ABCA1: variants seen among roughly 807,000 people sequenced by gnomAD.
The protein encoded by ABCA1 is ATP binding cassette subfamily A member 1, also known as phospholipid-transporting ATPase ABCA1.
In ABCA1, 133 loss-of-function variants were observed where a neutral mutation model predicts 262.5. That is an observed-to-expected ratio of 0.51 (90% confidence interval 0.44 to 0.59). The LOEUF is 0.59. ABCA1 is among the 20% of genes least tolerant of loss of function. The pLI is 0.00. For synonymous variants in ABCA1, 1,022 were observed against 1,043.5 expected, an observed-to-expected ratio of 0.98 and a Z score of 0.40; for missense variants, 2,452 against 2,777.5, an observed-to-expected ratio of 0.88 and a Z score of 2.63.
chr9:104,861,490 A>G lies in ABCA1; in HGVS notation c.543+189T>C. ...CAGCTGGCCCATGACGCCAGGTTGC[A>G]TATTCCACTCCTGGATGGTTTGGCA... On this transcript the variant is annotated intron_variant, in intron 6 of 49. Coordinates refer to ENST00000374736, the MANE Select transcript of ABCA1 (RefSeq NM_005502.4). The G allele has an allele frequency of 4.1e-6, 3 of 728,112 alleles. No homozygotes were observed. In the Admixed American group the frequency reaches 7.4e-5, roughly 18 times the overall value. The allele number at this position is 728,112 out of a possible 1,614,324, so 45.1% of individuals were successfully genotyped here. A position where few individuals can be genotyped will look rare whatever the true frequency, so the allele number is the denominator to read the frequency against.
chr9:104,816,395 G>T (rs112338016), intron 24 of ABCA1, 50 bp from the exon 25 acceptor site: 4 of 1,572,272 alleles, frequency 2.5e-6, no homozygotes, highest in Non-Finnish European at 3.5e-6. Flanking sequence ...GAGGGGCTTC[G>T]GAGTGAGGGC....
chr9:104,793,114 T>G (rs1440032566), intron 41 of ABCA1, 57 bp downstream of exon 41: 1 of 1,610,196 alleles, frequency 6.2e-7, no homozygotes, highest in Non-Finnish European at 8.5e-7. Flanking sequence ...TGTTTCCCTG[T>G]GCGCCTCCTC....
chr9:104,888,547 C>T lies in ABCA1; in HGVS notation c.160+555G>A, dbSNP rs184847043. The stretch of plus-strand genomic sequence containing the variant: ...GACACCAGAATTCATACCCAGATAA[C>T]CTGACATCTGGAGCCTGTGTTGTTA... On this transcript the variant is annotated intron_variant, in intron 3 of 49. Coordinates refer to ENST00000374736, the MANE Select transcript of ABCA1 (RefSeq NM_005502.4). Among the ~76,000 whole-genome samples the T allele has an allele frequency of 2.5e-3, 374 of 152,308 alleles. 2 individuals are homozygous for T. Among genetic ancestry groups the T allele is most frequent in the South Asian group, 0.019 (92 of 4,824 alleles).
intron 2 of ABCA1, among the ~76,000 whole-genome samples, chr9:104,902,382 G>A (rs975304348): frequency 6.6e-6 from 1 of 152,158 alleles, no homozygotes; most frequent in African/African-American, 2.4e-5. Flanking sequence ...AAAAATGGGT[G>A]GAGAATTCAA....
chr9:104,874,007 C>G (rs1165228338), intron 5 of ABCA1, among the ~76,000 whole-genome samples: 1 of 152,160 alleles, frequency 6.6e-6, no homozygotes, highest in East Asian at 1.9e-4. Flanking sequence ...TACCCACTTC[C>G]CTCAACTCCC....
chr9:104,817,709 G>A lies in ABCA1; in HGVS notation c.3463-305C>T, dbSNP rs1014438498. Among the ~76,000 whole-genome samples the A allele has an allele frequency of 6.6e-6, 1 of 152,166 alleles. No individual in the cohort carries two copies. The highest frequency in any genetic ancestry group is 6.5e-5 in the Admixed American group (1 of 15,280). ...ACCATCTCAGGCAAGGCCTTTACCTGGCTACATGTCTAGTTCAATGCTTCT... is the reference window on the plus strand; with the variant it reads ...ACCATCTCAGGCAAGGCCTTTACCTAGCTACATGTCTAGTTCAATGCTTCT... On this transcript the variant is annotated intron_variant, in intron 23 of 49. Coordinates refer to ENST00000374736, the MANE Select transcript of ABCA1 (RefSeq NM_005502.4). The surrounding 1 kb of genome is among the most constrained non-coding windows in gnomAD (Gnocchi z 4.7).
chr9:104,880,093 T>C (rs1838496647), intron 5 of ABCA1, among the ~76,000 whole-genome samples: 1 of 152,152 alleles, frequency 6.6e-6, no homozygotes, highest in African/African-American at 2.4e-5. Flanking sequence ...ATGGGCTACT[T>C]AGTGAGTGGT....
In ABCA1 at chr9:104,800,504, G is replaced by A. The variant is rs368667473; in HGVS notation, c.4773+6C>T. The A allele has an allele frequency of 2.2e-5, 36 of 1,612,286 alleles. 1 individual carries two copies. In the African/African-American group the frequency reaches 4.5e-4, roughly 20 times the overall value. ...AAAAGCTACTAGAACAAAGACAGCG[G>A]TTTACCTTGACATTATTTTTGGTGT... On this transcript the variant is annotated splice_donor_region_variant and intron_variant, in intron 35 of 49. Transcript: ENST00000374736.
chr9:104,890,568 G>C (rs1035931579), intron 2 of ABCA1, among the ~76,000 whole-genome samples: 5 of 151,652 alleles, frequency 3.3e-5, no homozygotes, highest in African/African-American at 9.7e-5. Flanking sequence ...GCAACAGAGA[G>C]AGACTCCGTC....
intron 7 of ABCA1, among the ~76,000 whole-genome samples, chr9:104,854,864 T>C (rs1835699552): frequency 6.6e-6 from 1 of 152,238 alleles, no homozygotes; most frequent in African/African-American, 2.4e-5. Context: ...ATCAAAAGGA[T>C]ATCTTTTGAG....
Position 104,845,353 on chromosome 9 carries a change from C to T in ABCA1, c.813+124G>A, listed in dbSNP as rs978748373. The stretch of plus-strand genomic sequence containing the variant: ...AACATTATTGTTTACATCACTTATA[C>T]TTTGAAAATTGATATTACATCCCAT... On this transcript the variant is annotated intron_variant, in intron 8 of 49. Transcript: ENST00000374736. 2.0e-5 allele frequency: 15 copies of T among 732,116 alleles called. No homozygotes were observed. The African/African-American group carries it at 2.4e-4, about 12-fold the overall frequency. The allele number at this position is 732,116 out of a possible 1,614,324, so 45.4% of individuals were successfully genotyped here. A position where few individuals can be genotyped will look rare whatever the true frequency, so the allele number is the denominator to read the frequency against.
intron 37 of ABCA1, 69 bp from the exon 38 acceptor site, chr9:104,796,493 A>G: frequency 1.6e-6 from 2 of 1,213,904 alleles, no homozygotes; most frequent in Admixed American, 1.9e-5. Context: ...ACAAGTTTTC[A>G]CCATTATCAG....
intron 13 of ABCA1, 58 bp downstream of exon 13, chr9:104,831,564 T>C: frequency 7.1e-7 from 1 of 1,414,712 alleles, no homozygotes; most frequent in Non-Finnish European, 9.8e-7. Context: ...CTTGTCCTAA[T>C]ATAATAGGTG....
At chr9:104,803,562 A>G (rs1228862918) in intron 32 of ABCA1, among the ~76,000 whole-genome samples, 5 of 152,106 alleles carry the variant, frequency 3.3e-5, no homozygotes, top group Non-Finnish European at 1.5e-5. Context: ...CCAATTTACA[A>G]ACCACCTTAT....
rs559090527 is a variant in ABCA1 at position 104,895,570 on chromosome 9, T to C, written c.67-6375A>G. Among the ~76,000 whole-genome samples, 6 of 152,356 alleles carry C rather than the reference T, an allele frequency of 3.9e-5. No individual in the cohort carries two copies. In the East Asian group the frequency reaches 7.7e-4, roughly 20 times the overall value. ...GAGAACCACTGCTCTAGAGTTATTATGAGAATTAAATGTATTTCACATAGA... is the reference window on the plus strand; with the variant it reads ...GAGAACCACTGCTCTAGAGTTATTACGAGAATTAAATGTATTTCACATAGA... On this transcript the variant is annotated intron_variant, in intron 2 of 49. Transcript: ENST00000374736.
At position 104,868,350 on chromosome 9, in the gene ABCA1, C is replaced by T. The variant is rs564349668; in HGVS notation, c.422-6550G>A. 1.2e-4 allele frequency among the ~76,000 whole-genome samples: 19 copies of T among 152,276 alleles called. No individual in the cohort carries two copies. In the South Asian group the frequency reaches 3.9e-3, roughly 32 times the overall value. On this transcript the variant is annotated intron_variant, in intron 5 of 49. Coordinates refer to ENST00000374736, the MANE Select transcript of ABCA1 (RefSeq NM_005502.4). Reference sequence around the variant, plus strand: ...CTGGGCAACAAGAGCGACACTCTGTCTCAAAAAACAAACAAACAAAAAAAA... The same window carrying T: ...CTGGGCAACAAGAGCGACACTCTGTTTCAAAAAACAAACAAACAAAAAAAA...
chr9:104,836,808 A>G (rs1833854612), intron 11 of ABCA1, among the ~76,000 whole-genome samples, 172 bp downstream of exon 11: 1 of 152,216 alleles, frequency 6.6e-6, no homozygotes, highest in South Asian at 2.1e-4. Context: ...TCTCTGCACC[A>G]TGGCCTGTAC....
intron 1 of ABCA1, among the ~76,000 whole-genome samples, chr9:104,927,315 C>G (rs762712802): frequency 8.5e-5 from 13 of 152,154 alleles, no homozygotes; most frequent in Non-Finnish European, 1.9e-4. Context: ...CTCCCTACCC[C>G]TCAGGTCAAA....
At chr9:104,806,918 CCTA>C (rs757401968) in intron 30 of ABCA1, among the ~76,000 whole-genome samples, 68 of 152,208 alleles carry the variant, frequency 4.5e-4, no homozygotes, top group Non-Finnish European at 7.5e-4. Flanking sequence ...GGAGAATGAA[CCTA>C]CTAAGAGAAG....
Sources: gnomAD v4.1 joint callset for allele counts (sites outside exome capture counted in the v4.1 genomes callset) on GRCh38, gnomAD v4.1.1 for gene constraint, Gnocchi (gnomAD v3.1) non-coding constraint, MANE v1.5 for transcripts, NCBI Gene and HGNC (gene_info 2026-07-23, HGNC 2026-07-21) for gene names.